Variants in NSL1 observed in about 807,000 individuals in gnomAD.
NSL1 encodes the protein kinetochore-associated protein NSL1 homolog.
A neutral mutation model predicts 25.4 loss-of-function variants in NSL1; 11 were observed. The ratio of observed to expected loss-of-function variants is 0.43; its 90% CI spans 0.27 to 0.72. The LOEUF (loss-of-function observed/expected upper bound fraction) is 0.72. Ranked by LOEUF, NSL1 falls within the 30% of genes least tolerant of loss-of-function variation. NSL1 has a pLI of 0.19. For missense variants in NSL1, 330 were observed against 342.7 expected (o/e 0.96, Z 0.29); for synonymous variants, 118 against 120.6 (o/e 0.98, Z 0.14).
chr1:212,746,517 C>T (rs1658803379), intron 4 of NSL1, among the ~76,000 whole-genome samples: 1 of 152,110 alleles, frequency 6.6e-6, no homozygotes, highest in Non-Finnish European at 1.5e-5. Context: ...AAAACAAATA[C>T]CAAAATAGCA....
chr1:212,779,847 C>G (rs76526661), intron 4 of NSL1, among the ~76,000 whole-genome samples: 1 of 100,374 alleles, frequency 1.0e-5, no homozygotes, highest in Non-Finnish European at 2.4e-5. Context: ...GTCAGCCCCC[C>G]GCCCGACCAG....
chr1:212,777,450 T>C (rs1423241929), intron 4 of NSL1, among the ~76,000 whole-genome samples: 14 of 151,746 alleles, frequency 9.2e-5, no homozygotes, highest in Admixed American at 8.5e-4. Context: ...AAGGAATGGA[T>C]AGTGGAATAT....
intron 4 of NSL1, among the ~76,000 whole-genome samples, chr1:212,748,291 A>G (rs557559578): frequency 1.7e-4 from 26 of 152,330 alleles, no homozygotes; most frequent in Non-Finnish European, 2.8e-4. Context: ...TAGAAGTATA[A>G]ATTGAAATAA....
chr1:212,736,832 C>T lies in NSL1; in HGVS notation c.*1576G>A. On this transcript the variant is annotated 3_prime_UTR_variant, in exon 6 of 6. Coordinates refer to ENST00000366977, the MANE Select transcript of NSL1 (RefSeq NM_015471.4). The stretch of plus-strand genomic sequence containing the variant: ...GCTGAATACTTCAGAGCAAATCTAT[C>T]ATGTCATTTAAAAACTCTATGTAGC... 1 of 985,408 alleles carries T rather than the reference C, an allele frequency of 1.0e-6. No homozygotes were observed. Among genetic ancestry groups the T allele is most frequent in the Non-Finnish European group, 1.2e-6 (1 of 829,904 alleles). 61.0% of individuals were successfully genotyped at this position (985,408 alleles called of 1,614,324 possible).
chr1:212,754,965 T>C (rs942532510), intron 4 of NSL1, among the ~76,000 whole-genome samples: 1 of 152,164 alleles, frequency 6.6e-6, no homozygotes, highest in South Asian at 2.1e-4. Context: ...CAGCCTGGGA[T>C]TGTTTGGGGC....
At chr1:212,759,309 C>A (rs1029002210) in intron 4 of NSL1, among the ~76,000 whole-genome samples, 5 of 152,076 alleles carry the variant, frequency 3.3e-5, no homozygotes, top group Admixed American at 6.6e-5. Context: ...CCTGCCTCCT[C>A]CACAAAGAAG....
chr1:212,790,573 G>C (rs1394578358), intron 1 of NSL1, among the ~76,000 whole-genome samples: 3 of 152,084 alleles, frequency 2.0e-5, no homozygotes, highest in Non-Finnish European at 4.4e-5. Context: ...AAATTTAAAA[G>C]CTCATAATAC....
chr1:212,780,500 TA>T (rs1285748863), intron 4 of NSL1, among the ~76,000 whole-genome samples: 2,389 of 80,416 alleles, frequency 0.03, 59 homozygotes, highest in African/African-American at 0.088. Flanking sequence ...GAATGATCAA[TA>T]AAAAAAAAAA....
At chr1:212,759,133 T>C (rs1286192457) in intron 4 of NSL1, among the ~76,000 whole-genome samples, 2 of 152,258 alleles carry the variant, frequency 1.3e-5, no homozygotes, top group African/African-American at 4.8e-5. Flanking sequence ...ACTTTTATAT[T>C]AGACAACAGT....
At chr1:212,744,197 T>G (rs1422613324) in intron 4 of NSL1, among the ~76,000 whole-genome samples, 8 of 152,128 alleles carry the variant, frequency 5.3e-5, no homozygotes, top group Non-Finnish European at 1.2e-4. Context: ...TATCCCGACA[T>G]ACACCTACAG....
chr1:212,766,306 C>T (rs1659814060), intron 4 of NSL1: 2 of 595,728 alleles, frequency 3.4e-6, no homozygotes, highest in South Asian at 2.1e-5. Flanking sequence ...ACTTTCACCA[C>T]TTCTATTCAA....
chr1:212,790,930 AAAAAT>A (rs1385564097), intron 1 of NSL1, among the ~76,000 whole-genome samples: 9 of 151,224 alleles, frequency 6.0e-5, no homozygotes, highest in African/African-American at 2.0e-4. Context: ...CTCAAAAAAA[AAAAAT>A]AAAATAAAAT....
In NSL1 at chr1:212,728,319, G is replaced by A; in HGVS notation, c.*10089C>T. 1.0e-6 allele frequency: 1 copy of A among 983,150 alleles called. No individual in the cohort carries two copies. Among genetic ancestry groups the A allele is most frequent in the Non-Finnish European group, 1.2e-6 (1 of 827,884 alleles). 60.9% of individuals were successfully genotyped at this position (983,150 alleles called of 1,614,324 possible). A position where few individuals can be genotyped will look rare whatever the true frequency, so the allele number is the denominator to read the frequency against. Reference sequence around the variant, plus strand: ...TTTGTACAATTCCAGGCATAAAGTGGATTCTTTATATGCCTGTTTTAAAAA... The same window carrying A: ...TTTGTACAATTCCAGGCATAAAGTGAATTCTTTATATGCCTGTTTTAAAAA... On this transcript the variant is annotated 3_prime_UTR_variant, in exon 6 of 6. Transcript: ENST00000366977.
At chr1:212,754,504 C>T (rs970680227) in intron 4 of NSL1, among the ~76,000 whole-genome samples, 27 of 151,984 alleles carry the variant, frequency 1.8e-4, no homozygotes, top group African/African-American at 6.5e-4. Flanking sequence ...CAGCCCGGCG[C>T]GGTGGCTCAC....
At chr1:212,743,878 C>G (rs1658621605) in intron 4 of NSL1, among the ~76,000 whole-genome samples, 1 of 152,180 alleles carries the variant, frequency 6.6e-6, no homozygotes, top group African/African-American at 2.4e-5. Flanking sequence ...GAGTGGGTTA[C>G]TGGTGCTGGA....
rs1391302803 is a variant in NSL1, at chr1:212,736,833, A to G, written c.*1575T>C. The G allele has an allele frequency of 2.0e-6, 2 of 985,296 alleles. No homozygotes were observed. The highest frequency in any genetic ancestry group is 1.1e-4 in the East Asian group (1 of 8,834). The allele number at this position is 985,296 out of a possible 1,614,324, so 61.0% of individuals were successfully genotyped here. ...CTGAATACTTCAGAGCAAATCTATC[A>G]TGTCATTTAAAAACTCTATGTAGCA... On this transcript the variant is annotated 3_prime_UTR_variant, in exon 6 of 6. Transcript: ENST00000366977.
chr1:212,762,787 G>A (rs890652021), intron 4 of NSL1, among the ~76,000 whole-genome samples: 1 of 152,180 alleles, frequency 6.6e-6, no homozygotes, highest in Non-Finnish European at 1.5e-5. Context: ...AGCATGAAGT[G>A]CCTTGTAGGC....
At position 212,737,237 on chromosome 1, in the gene NSL1, GA is replaced by G. The variant is rs1658263968; in HGVS notation, c.*1170del. On this transcript the variant is annotated 3_prime_UTR_variant, in exon 6 of 6. Coordinates refer to ENST00000366977, the MANE Select transcript of NSL1 (RefSeq NM_015471.4). The stretch of plus-strand genomic sequence containing the variant: ...TATACAGATCTCAAACTGTAACACT[GA>G]AACACAAAATGCAACAAAGTGGCTT... 2 of 985,314 alleles carry G rather than the reference GA, an allele frequency of 2.0e-6. No individual in the cohort carries two copies. Among genetic ancestry groups the G allele is most frequent in the Non-Finnish European group, 2.4e-6 (2 of 829,838 alleles). The allele number at this position is 985,314 out of a possible 1,614,324, so 61.0% of individuals were successfully genotyped here.
intron 4 of NSL1, among the ~76,000 whole-genome samples, chr1:212,780,601 C>A (rs1303134064): frequency 6.6e-6 from 1 of 151,734 alleles, no homozygotes; most frequent in Non-Finnish European, 1.5e-5. Context: ...AAGAGGTTCC[C>A]ACAAAAGTTT....
Sources: allele counts gnomAD v4.1 joint callset (sites outside exome capture counted in the v4.1 genomes callset), GRCh38; gene constraint gnomAD v4.1.1; transcripts MANE v1.5; gene names NCBI Gene and HGNC (gene_info 2026-07-23, HGNC 2026-07-21).